The following DNAJC6 variants were observed in gnomAD, a reference collection of about 807,000 sequenced individuals.
DNAJC6 encodes DnaJ heat shock protein family (Hsp40) member C6.
DNAJC6 carries 34 observed loss-of-function variants against 110.0 expected under a neutral mutation model. That is an observed-to-expected ratio of 0.31 (90% confidence interval 0.24 to 0.41). DNAJC6 has a LOEUF of 0.41. Among genes scored for constraint, DNAJC6 ranks in the 10% least tolerant of loss-of-function variants. DNAJC6 has a pLI of 1.00. For synonymous variants in DNAJC6, 406 were observed against 437.2 expected (o/e 0.93, Z 0.89); for missense variants, 1,031 against 1,207.8 (o/e 0.85, Z 2.17).
chr1:65,269,472 T>G (rs538345827), intron 1 of DNAJC6, among the ~76,000 whole-genome samples: 1 of 152,298 alleles, frequency 6.6e-6, no homozygotes, highest in African/African-American at 2.4e-5. Flanking sequence ...GATTCAGACT[T>G]TTAGGCTCTA....
chr1:65,284,136 C>T (rs1335663384), intron 1 of DNAJC6, among the ~76,000 whole-genome samples: 3 of 152,158 alleles, frequency 2.0e-5, no homozygotes, highest in African/African-American at 7.2e-5. Flanking sequence ...GCTGCCAGGC[C>T]TCTGATGTTA....
chr1:65,368,299 G>T (rs984891477), intron 4 of DNAJC6, among the ~76,000 whole-genome samples: 3 of 152,052 alleles, frequency 2.0e-5, no homozygotes, highest in Non-Finnish European at 4.4e-5. Flanking sequence ...ATCTTGTGAG[G>T]CTCTTGATGA....
At chr1:65,281,700 C>G (rs574991973) in intron 1 of DNAJC6, among the ~76,000 whole-genome samples, 1 of 152,218 alleles carries the variant, frequency 6.6e-6, no homozygotes, top group East Asian at 1.9e-4. Context: ...GCTCCACCTC[C>G]TGCGTTCACA....
chr1:65,401,967 G>A (rs181351382), intron 15 of DNAJC6, 87 bp downstream of exon 15: 3 of 1,551,462 alleles, frequency 1.9e-6, no homozygotes, highest in Admixed American at 4.0e-5. Context: ...ACAGCAAGCT[G>A]GTATTGTCAC....
At chr1:65,279,564 A>AAT (rs1435424725) in intron 1 of DNAJC6, 1 of 152,178 alleles carries the variant, frequency 6.6e-6, no homozygotes, top group Non-Finnish European at 1.5e-5. Flanking sequence ...ATATACATCT[A>AAT]ATATATATAC....
chr1:65,285,454 T>C (rs1653985809), intron 1 of DNAJC6, among the ~76,000 whole-genome samples: 1 of 152,176 alleles, frequency 6.6e-6, no homozygotes, highest in Non-Finnish European at 1.5e-5. Flanking sequence ...CCCTGCAACG[T>C]TTTATGAATT....
chr1:65,375,758 A>G (rs1210432684), intron 4 of DNAJC6, among the ~76,000 whole-genome samples: 2 of 152,160 alleles, frequency 1.3e-5, no homozygotes, highest in African/African-American at 4.8e-5. Flanking sequence ...ATGGTGAATG[A>G]TCTATTTAAT....
intron 1 of DNAJC6, among the ~76,000 whole-genome samples, chr1:65,360,834 T>G (rs1645590374): frequency 6.6e-6 from 1 of 152,038 alleles, no homozygotes; most frequent in East Asian, 1.9e-4. Context: ...GAGATTGACT[T>G]GGTTTGCCTG....
At chr1:65,299,606 A>G (rs1644958924) in intron 1 of DNAJC6, among the ~76,000 whole-genome samples, 1 of 152,230 alleles carries the variant, frequency 6.6e-6, no homozygotes, top group African/African-American at 2.4e-5. Flanking sequence ...GCCTTATGCT[A>G]AGCTCTTTAT....
At chr1:65,324,344 G>GT (rs1207688322) in intron 1 of DNAJC6, among the ~76,000 whole-genome samples, 6 of 151,138 alleles carry the variant, frequency 4.0e-5, no homozygotes, top group Admixed American at 6.6e-5. Context: ...GCCTAGCTAA[G>GT]TTTTTTTTGT....
chr1:65,312,350 G>C (rs1403330682), intron 1 of DNAJC6, among the ~76,000 whole-genome samples: 1 of 152,168 alleles, frequency 6.6e-6, no homozygotes, highest in African/African-American at 2.4e-5. Flanking sequence ...TCTGAGAGTA[G>C]GATTCTTTTA....
intron 1 of DNAJC6, among the ~76,000 whole-genome samples, chr1:65,267,679 G>A (rs1262595184): frequency 6.6e-6 from 1 of 151,706 alleles, no homozygotes; most frequent in Non-Finnish European, 1.5e-5. Context: ...TATATATACA[G>A]ACAGAGAGAG....
intron 5 of DNAJC6, among the ~76,000 whole-genome samples, chr1:65,382,717 A>G (rs1389783125): frequency 6.6e-6 from 1 of 152,234 alleles, no homozygotes; most frequent in African/African-American, 2.4e-5. Context: ...GGCTGGGGTT[A>G]TGTTAATAAA....
In DNAJC6 at chr1:65,380,916, G is replaced by GTTTTTTTTTTTTTTTTTTTTTTTT. The variant is rs796797174; in HGVS notation, c.666+1396_666+1397insTTTTTTTTTTTTTTTTTTTTTTTT. Among the ~76,000 whole-genome samples, 69 of 93,530 alleles carry GTTTTTTTTTTTTTTTTTTTTTTTT rather than the reference G, an allele frequency of 7.4e-4. 10 individuals are homozygous for GTTTTTTTTTTTTTTTTTTTTTTTT. Among genetic ancestry groups the GTTTTTTTTTTTTTTTTTTTTTTTT allele is most frequent in the African/African-American group, 4.1e-3 (62 of 15,054 alleles). The allele number at this position is 93,530 out of a possible 152,430, so 61.4% of individuals were successfully genotyped here. On this transcript the variant is annotated intron_variant, in intron 5 of 18. Coordinates refer to ENST00000371069, the MANE Select transcript of DNAJC6 (RefSeq NM_001256864.2). ...TTTTTTTTTTTTTGTTTTTTGTTTTGTTTTGTTTTTTTTTTTTTTTTGGGA... is the reference window on the plus strand; with the variant it reads ...TTTTTTTTTTTTTGTTTTTTGTTTTGTTTTTTTTTTTTTTTTTTTTTTTTTTTTGTTTTTTTTTTTTTTTTGGGA...
chr1:65,389,063 A>G (rs1645899020), intron 9 of DNAJC6, among the ~76,000 whole-genome samples, 193 bp from the exon 10 acceptor site: 1 of 152,200 alleles, frequency 6.6e-6, no homozygotes, highest in Non-Finnish European at 1.5e-5. Context: ...AGCAGGCATT[A>G]TTCTCCTCTT....
At position 65,380,916 on chromosome 1, in the gene DNAJC6, G is replaced by GTTTTTTTTTTT. The variant is rs796797174; in HGVS notation, c.666+1396_666+1397insTTTTTTTTTTT. ...TTTTTTTTTTTTTGTTTTTTGTTTT[G>GTTTTTTTTTTT]TTTTGTTTTTTTTTTTTTTTTGGGA... On this transcript the variant is annotated intron_variant, in intron 5 of 18. Coordinates refer to ENST00000371069, the MANE Select transcript of DNAJC6 (RefSeq NM_001256864.2). Among the ~76,000 whole-genome samples the GTTTTTTTTTTT allele has an allele frequency of 2.7e-3, 253 of 93,488 alleles. 32 individuals carry two copies. The highest frequency in any genetic ancestry group is 0.012 in the African/African-American group (184 of 15,024). 61.3% of individuals were successfully genotyped at this position (93,488 alleles called of 152,430 possible). A position where few individuals can be genotyped will look rare whatever the true frequency, so the allele number is the denominator to read the frequency against.
At chr1:65,345,817 A>G (rs529154521) in intron 1 of DNAJC6, 1 of 252,500 alleles carries the variant, frequency 4.0e-6, no homozygotes, top group Admixed American at 6.5e-5. Flanking sequence ...CCAACCAAGC[A>G]CAGAAGCCAA....
intron 13 of DNAJC6, among the ~76,000 whole-genome samples, chr1:65,396,402 T>C (rs1040179406): frequency 7.2e-5 from 11 of 152,174 alleles, no homozygotes; most frequent in Non-Finnish European, 2.9e-5. Flanking sequence ...GTAGCCTCTG[T>C]ATGCTCTAGC....
chr1:65,387,128 A>G (rs1460933454), intron 8 of DNAJC6, among the ~76,000 whole-genome samples, 199 bp downstream of exon 8: 2 of 152,196 alleles, frequency 1.3e-5, no homozygotes, highest in Non-Finnish European at 1.5e-5. Flanking sequence ...ACTTGCCCAA[A>G]GTCCTTGGCA....
Sources: allele counts gnomAD v4.1 joint callset (sites outside exome capture counted in the v4.1 genomes callset), GRCh38; gene constraint gnomAD v4.1.1; transcripts MANE v1.5; gene names NCBI Gene and HGNC (gene_info 2026-07-23, HGNC 2026-07-21).